SLC25A3: variants seen among roughly 807,000 people sequenced by gnomAD.
The protein encoded by SLC25A3 is solute carrier family 25 member 3, also known as phosphate transport protein.
SLC25A3 carries 14 observed loss-of-function variants against 37.1 expected under a neutral mutation model. The observed-to-expected ratio is 0.38, with a 90% CI of 0.25 to 0.59. SLC25A3 has a LOEUF of 0.59. Ranked by LOEUF, SLC25A3 falls within the 20% of genes least tolerant of loss-of-function variation. The pLI is 0.67. For missense variants in SLC25A3, 385 were observed against 458.1 expected (o/e 0.84, Z 1.46); for synonymous variants, 161 against 168.7 (o/e 0.95, Z 0.36).
intron 6 of SLC25A3, 24 bp from the exon 7 acceptor site, chr12:98,601,147 A>G: frequency 1.2e-6 from 2 of 1,610,478 alleles, no homozygotes; most frequent in Non-Finnish European, 8.5e-7. Flanking sequence ...CTGGCACTGT[A>G]TGGGATCCTT....
Position 98,601,559 on chromosome 12 carries a change from C to A in SLC25A3, c.*31C>A. On this transcript the variant is annotated 3_prime_UTR_variant, in exon 8 of 8. Transcript: ENST00000552981. ...TCAAAGCAAATGTGGACTGAATCTG[C>A]TTGTTGATCAGTGTTGAAGAAAGTG... is the stretch of plus-strand genomic sequence containing the variant. The A allele has an allele frequency of 7.2e-7, 1 of 1,398,558 alleles. No homozygotes were observed. Among genetic ancestry groups the A allele is most frequent in the Non-Finnish European group, 1.0e-6 (1 of 983,518 alleles). The allele number at this position is 1,398,558 out of a possible 1,614,324, so 86.6% of individuals were successfully genotyped here.
intron 2 of SLC25A3, chr12:98,595,436 A>T: frequency 1.2e-6 from 2 of 1,613,772 alleles, no homozygotes. Flanking sequence ...CAAACAGAGC[A>T]GTATAGCTGT....
chr12:98,595,392 G>C (rs2097592124), intron 2 of SLC25A3: 1 of 1,608,768 alleles, frequency 6.2e-7, no homozygotes, highest in East Asian at 2.2e-5. Flanking sequence ...AGTCATCTCT[G>C]AAGAAATACT....
rs1315300674 is a variant in SLC25A3 at position 98,603,761 on chromosome 12, A to G, written c.*2233A>G. On this transcript the variant is annotated 3_prime_UTR_variant, in exon 8 of 8. Coordinates refer to ENST00000552981, the MANE Select transcript of SLC25A3 (RefSeq NM_002635.4). The stretch of plus-strand genomic sequence containing the variant: ...GTTACTAGAGTTACGGTTCAAAGCT[A>G]TTTCTGAGAGAAAGCCACTTCATCC... 1.3e-5 allele frequency: 2 copies of G among 152,166 alleles called. No homozygotes were observed. The highest frequency in any genetic ancestry group is 1.5e-5 in the Non-Finnish European group (1 of 68,032). 9.4% of individuals were successfully genotyped at this position (152,166 alleles called of 1,614,324 possible). A position where few individuals can be genotyped will look rare whatever the true frequency, so the allele number is the denominator to read the frequency against.
intron 2 of SLC25A3, chr12:98,595,306 T>C (rs1301120232): frequency 2.5e-5 from 26 of 1,022,774 alleles, no homozygotes; most frequent in Non-Finnish European, 3.9e-5. Context: ...TTTAAGCCAC[T>C]TAATTGTGGC....
intron 2 of SLC25A3, chr12:98,594,664 C>G: frequency 2.7e-6 from 1 of 376,208 alleles, no homozygotes; most frequent in Non-Finnish European, 5.0e-6. Context: ...CCTACATAGG[C>G]AATAGAAAGG....
At position 98,601,354 on chromosome 12, in the gene SLC25A3, C is replaced by T. The variant is rs1280597774; in HGVS notation, c.926-14C>T. ...TGTTGCATTTTTTTCATTTGCTTTT[C>T]CTGTTTGAACCAGGTGTATGGAAGG... On this transcript the variant is annotated splice_polypyrimidine_tract_variant and intron_variant, in intron 7 of 7. Coordinates refer to ENST00000552981, the MANE Select transcript of SLC25A3 (RefSeq NM_002635.4). 3 of 1,613,942 alleles carry T rather than the reference C, an allele frequency of 1.9e-6. No individual in the cohort carries two copies. Among genetic ancestry groups the T allele is most frequent in the East Asian group, 4.5e-5 (2 of 44,870 alleles).
rs200029342 is a variant in SLC25A3, at chr12:98,600,132, G to T, written c.814+5G>T. The T allele has an allele frequency of 2.2e-5, 34 of 1,519,946 alleles. No homozygotes were observed. The East Asian group carries it at 6.8e-4, about 30-fold the overall frequency. 94.2% of individuals were successfully genotyped at this position (1,519,946 alleles called of 1,614,324 possible). Reference sequence around the variant, plus strand: ...CATTTGTAGCAGGTTACATAGGTACGAATTACTTAGAACACACTTGTCTGA... The same window carrying T: ...CATTTGTAGCAGGTTACATAGGTACTAATTACTTAGAACACACTTGTCTGA... On this transcript the variant is annotated splice_donor_5th_base_variant and intron_variant, in intron 6 of 7. Transcript: ENST00000552981.
intron 5 of SLC25A3, among the ~76,000 whole-genome samples, chr12:98,598,942 A>C (rs1592978194): frequency 1.3e-5 from 2 of 151,380 alleles, no homozygotes; most frequent in African/African-American, 4.9e-5. Flanking sequence ...CGCCCAGCTA[A>C]TTTTTTGTAT....
In SLC25A3 at chr12:98,604,263, A is replaced by AATATATAT. The variant is rs71436922; in HGVS notation, c.*2752_*2759dup. ...GCGAAACTCTGTCTCAAAAAAAAAA[A>AATATATAT]ATATATATATATATATATATATATG... On this transcript the variant is annotated 3_prime_UTR_variant, in exon 8 of 8. Transcript: ENST00000552981. The AATATATAT allele has an allele frequency of 1.5e-5, 2 of 134,590 alleles. No individual in the cohort carries two copies. The highest frequency in any genetic ancestry group is 5.7e-5 in the African/African-American group (2 of 34,842). The allele number at this position is 134,590 out of a possible 1,614,324, so 8.3% of individuals were successfully genotyped here. A position where few individuals can be genotyped will look rare whatever the true frequency, so the allele number is the denominator to read the frequency against.
intron 3 of SLC25A3, among the ~76,000 whole-genome samples, chr12:98,596,348 T>C (rs1051855793): frequency 2.6e-5 from 4 of 152,220 alleles, no homozygotes; most frequent in Non-Finnish European, 4.4e-5. Flanking sequence ...TTAATTAAGA[T>C]CATTGAAACA....
rs2097599476 is a variant in SLC25A3 at position 98,603,644 on chromosome 12, T to G, written c.*2116T>G. ...CTGAGGCAGTTCTGCCAATCAGGATTCAAGTTTTATTTCCTAAGAGTTATA... is the reference window on the plus strand; with the variant it reads ...CTGAGGCAGTTCTGCCAATCAGGATGCAAGTTTTATTTCCTAAGAGTTATA... On this transcript the variant is annotated 3_prime_UTR_variant, in exon 8 of 8. Coordinates refer to ENST00000552981, the MANE Select transcript of SLC25A3 (RefSeq NM_002635.4). The G allele has an allele frequency of 6.6e-6, 1 of 152,146 alleles. No individual in the cohort carries two copies. The highest frequency in any genetic ancestry group is 6.5e-5 in the Admixed American group (1 of 15,274). 9.4% of individuals were successfully genotyped at this position (152,146 alleles called of 1,614,324 possible).
chr12:98,595,239 A>G lies in SLC25A3; in HGVS notation c.158-488A>G, dbSNP rs1487831531. On this transcript the variant is annotated intron_variant, in intron 2 of 7. Coordinates refer to ENST00000552981, the MANE Select transcript of SLC25A3 (RefSeq NM_002635.4). ...TGGCAGAATACGAGCTATTAATAGT[A>G]TCAGATACAGAACCCTCATAATTTT... 1.8e-5 allele frequency: 11 copies of G among 606,144 alleles called. No homozygotes were observed. In the East Asian group the frequency reaches 2.2e-4, roughly 12 times the overall value. The allele number at this position is 606,144 out of a possible 1,614,324, so 37.5% of individuals were successfully genotyped here. A position where few individuals can be genotyped will look rare whatever the true frequency, so the allele number is the denominator to read the frequency against.
chr12:98,593,883 G>T, intron 1 of SLC25A3, 92 bp from the exon 2 acceptor site: 1 of 1,435,742 alleles, frequency 7.0e-7, no homozygotes, highest in South Asian at 1.2e-5. Context: ...CGTGGAGACG[G>T]GAAGGAAAAG....
intron 6 of SLC25A3, 148 bp from the exon 7 acceptor site, chr12:98,601,023 C>A: frequency 1.2e-6 from 1 of 804,458 alleles, no homozygotes; most frequent in Non-Finnish European, 2.0e-6. Context: ...ATAGGATAGA[C>A]AGCTTGATAA....
At chr12:98,598,389 C>T (rs2097594827) in intron 4 of SLC25A3, 133 bp from the exon 5 acceptor site, 1 of 1,367,054 alleles carries the variant, frequency 7.3e-7, no homozygotes, top group Non-Finnish European at 1.0e-6. Context: ...GTTATGAGAC[C>T]ACATATATAT....
chr12:98,599,053 A>G (rs75743022), intron 5 of SLC25A3, among the ~76,000 whole-genome samples: 6 of 135,776 alleles, frequency 4.4e-5, no homozygotes, highest in East Asian at 4.5e-4. Context: ...GAGCCACCGC[A>G]CCCGGCTTCT....
chr12:98,594,692 C>A (rs2097591480), intron 2 of SLC25A3: 2 of 311,328 alleles, frequency 6.4e-6, no homozygotes, highest in Non-Finnish European at 1.2e-5. Context: ...TGGTGGGCGT[C>A]CCTTTGGTGT....
intron 2 of SLC25A3, 193 bp downstream of exon 2, chr12:98,594,328 C>G (rs1348197180): frequency 2.8e-6 from 2 of 705,790 alleles, no homozygotes; most frequent in Admixed American, 4.0e-5. Flanking sequence ...GGCCTTCCCT[C>G]AAGGGCGTGG....
Sources: gnomAD v4.1 joint callset for allele counts (sites outside exome capture counted in the v4.1 genomes callset) on GRCh38, gnomAD v4.1.1 for gene constraint, MANE v1.5 for transcripts, NCBI Gene and HGNC (gene_info 2026-07-23, HGNC 2026-07-21) for gene names.